Variants in RIMS2 observed in about 807,000 individuals in gnomAD.
RIMS2 encodes regulating synaptic membrane exocytosis protein 2.
Under a neutral mutation model 174.4 loss-of-function variants are expected in RIMS2, and 59 were observed. That is an observed-to-expected ratio of 0.34 (90% CI 0.27 to 0.42). The LOEUF (loss-of-function observed/expected upper bound fraction) is 0.42, where lower values mean the gene tolerates loss of function less well. Ranked by LOEUF, RIMS2 falls within the 10% of genes least tolerant of loss-of-function variation. RIMS2 has a pLI of 1.00. For missense variants in RIMS2, 1,620 were observed against 1,666.3 expected (o/e 0.97, Z 0.48); for synonymous variants, 606 against 572.5 (o/e 1.06, Z -0.84).
chr8:103,694,096 C>T (rs909395917), intron 1 of RIMS2, among the ~76,000 whole-genome samples: 3 of 152,126 alleles, frequency 2.0e-5, no homozygotes, highest in Admixed American at 2.0e-4. Flanking sequence ...TCTACTGTCA[C>T]ACTATTGATC....
At chr8:103,547,377 C>T (rs936645757) in intron 1 of RIMS2, among the ~76,000 whole-genome samples, 4 of 152,048 alleles carry the variant, frequency 2.6e-5, no homozygotes, top group African/African-American at 9.7e-5. Context: ...CATGCAGTTA[C>T]ATGGAAATTA....
chr8:104,014,749 A>G (rs903504418), intron 19 of RIMS2, 134 bp downstream of exon 21: 1 of 440,976 alleles, frequency 2.3e-6, no homozygotes, highest in Non-Finnish European at 4.0e-6. Context: ...GATAATAGTT[A>G]TATTTATAAA....
In RIMS2 at chr8:104,213,819, G is replaced by A. The variant is rs1284654682; in HGVS notation, c.3335-31097G>A. ...TTGAACCCCAGAGGCAGAGGTTGTA[G>A]TGAACCGAGATTGAGCCACTGTACT... On this transcript the variant is annotated intron_variant, in intron 19 of 23. Coordinates refer to ENST00000504942, the Ensembl canonical transcript of RIMS2. Among the ~76,000 whole-genome samples the A allele has an allele frequency of 2.0e-5, 3 of 151,420 alleles. No homozygotes were observed. In the East Asian group the frequency reaches 5.8e-4, roughly 29 times the overall value.
At chr8:103,529,979 G>A (rs1046480291) in intron 1 of RIMS2, among the ~76,000 whole-genome samples, 2 of 152,180 alleles carry the variant, frequency 1.3e-5, no homozygotes, top group Non-Finnish European at 2.9e-5. Context: ...AAGGAAAATG[G>A]TCTCAGACAG....
intron 2 of RIMS2, among the ~76,000 whole-genome samples, chr8:103,759,228 G>A (rs985400049): frequency 1.3e-5 from 2 of 152,098 alleles, no homozygotes; most frequent in African/African-American, 4.8e-5. Flanking sequence ...TCCATCAGGG[G>A]CATAGATACT....
At chr8:103,705,625 T>A (rs1409974667) in intron 2 of RIMS2, among the ~76,000 whole-genome samples, 1 of 152,180 alleles carries the variant, frequency 6.6e-6, no homozygotes, top group East Asian at 1.9e-4. Context: ...TATATTTGGG[T>A]TCTATGACAT....
chr8:104,206,396 A>G (rs1476277153), intron 19 of RIMS2, among the ~76,000 whole-genome samples: 2 of 152,230 alleles, frequency 1.3e-5, no homozygotes, highest in Non-Finnish European at 2.9e-5. Flanking sequence ...TAGCTGCATT[A>G]AAAGGAAATA....
chr8:103,936,577 C>G (rs776940427), exon 13 of RIMS2: 3 of 1,586,110 alleles, frequency 1.9e-6, no homozygotes, highest in Non-Finnish European at 2.6e-6. Flanking sequence ...AGAACTAAAA[C>G]AGTAAAGAAA....
At chr8:104,178,023 T>C (rs1257004693) in intron 19 of RIMS2, among the ~76,000 whole-genome samples, 1 of 152,178 alleles carries the variant, frequency 6.6e-6, no homozygotes, top group Non-Finnish European at 1.5e-5. Context: ...TAGGAGACTC[T>C]GAGTTTTCTA....
intron 3 of RIMS2, among the ~76,000 whole-genome samples, chr8:103,803,863 A>C (rs2098632194): frequency 6.6e-6 from 1 of 152,136 alleles, no homozygotes; most frequent in Non-Finnish European, 1.5e-5. Context: ...TCTTTGAGCC[A>C]CAAGGAACTG....
chr8:103,821,059 G>T (rs1363140898), intron 3 of RIMS2, among the ~76,000 whole-genome samples: 1 of 150,842 alleles, frequency 6.6e-6, no homozygotes, highest in Non-Finnish European at 1.5e-5. Context: ...CCAAGAATTT[G>T]TGTGTAAATG....
chr8:104,238,368 T>C (rs890733332), intron 19 of RIMS2, among the ~76,000 whole-genome samples: 4 of 151,706 alleles, frequency 2.6e-5, no homozygotes, highest in Non-Finnish European at 5.9e-5. Flanking sequence ...AAAACCTAGA[T>C]GATGGGTTGA....
intron 19 of RIMS2, among the ~76,000 whole-genome samples, chr8:104,189,303 A>G (rs1303059871): frequency 6.6e-6 from 1 of 151,942 alleles, no homozygotes; most frequent in Non-Finnish European, 1.5e-5. Flanking sequence ...CACTAGAGAC[A>G]CATTCCACCA....
chr8:104,078,249 A>C (rs2097339042), intron 19 of RIMS2, among the ~76,000 whole-genome samples: 1 of 152,026 alleles, frequency 6.6e-6, no homozygotes, highest in South Asian at 2.1e-4. Flanking sequence ...TTCGATTTTA[A>C]AAGTTTCTAG....
chr8:103,693,456 C>T (rs1481004722), intron 1 of RIMS2, among the ~76,000 whole-genome samples: 2 of 152,122 alleles, frequency 1.3e-5, no homozygotes, highest in East Asian at 1.9e-4. Context: ...TCTCTTCCAC[C>T]ATCTTCTTAT....
chr8:104,235,714 C>T (rs960990750), intron 19 of RIMS2, among the ~76,000 whole-genome samples: 9 of 151,880 alleles, frequency 5.9e-5, no homozygotes, highest in Admixed American at 2.0e-4. Context: ...GTATTTTTAC[C>T]GACCATTTGA....
At chr8:103,942,680 T>G (rs2082806277) in intron 13 of RIMS2, 93 bp from the exon 16 acceptor site, 1 of 882,744 alleles carries the variant, frequency 1.1e-6, no homozygotes, top group Admixed American at 2.9e-5. Flanking sequence ...AGCATTACTA[T>G]TATAATTATT....
At chr8:103,503,288 G>A (rs1351051987) in intron 1 of RIMS2, among the ~76,000 whole-genome samples, 1 of 149,804 alleles carries the variant, frequency 6.7e-6, no homozygotes, top group Non-Finnish European at 1.5e-5. Flanking sequence ...GGTTTTAAAT[G>A]TTCTTAATTT....
At chr8:103,563,908 A>C (rs1422239264) in intron 1 of RIMS2, among the ~76,000 whole-genome samples, 2 of 152,212 alleles carry the variant, frequency 1.3e-5, no homozygotes, top group African/African-American at 4.8e-5. Context: ...TAAAACCAGC[A>C]AATCTCATGA....
Sources: gnomAD v4.1 joint callset for allele counts (sites outside exome capture counted in the v4.1 genomes callset) on GRCh38, gnomAD v4.1.1 for gene constraint, MANE v1.5 for transcripts, NCBI Gene and HGNC (gene_info 2026-07-23, HGNC 2026-07-21) for gene names.